Variants in KAZN observed in about 807,000 individuals in gnomAD.
The protein encoded by KAZN is kazrin.
Under a neutral mutation model 87.4 loss-of-function variants are expected in KAZN, and 40 were observed. That is an observed-to-expected ratio of 0.46 (90% CI 0.36 to 0.60). KAZN has a LOEUF of 0.60. KAZN is among the 20% of genes least tolerant of loss of function. The probability of loss-of-function intolerance (pLI) is 0.00; values close to 1 mark genes in which losing one functional copy is unlikely to be tolerated. For missense variants in KAZN, 898 were observed against 1,073.9 expected (o/e 0.84, Z 2.29); for synonymous variants, 466 against 458.3 (o/e 1.02, Z -0.22).
At chr1:14,507,850 C>A (rs1670670213) in intron 2 of KAZN, among the ~76,000 whole-genome samples, 1 of 151,798 alleles carries the variant, frequency 6.6e-6, no homozygotes, top group Admixed American at 6.6e-5. Flanking sequence ...GCCTGTAGTC[C>A]CAGCTACTCG....
chr1:14,482,875 G>A (rs569522582), intron 2 of KAZN, among the ~76,000 whole-genome samples: 6 of 152,244 alleles, frequency 3.9e-5, no homozygotes, highest in South Asian at 4.1e-4. Flanking sequence ...TCTGGCATCC[G>A]ACTGCCTGGA....
Position 14,288,908 on chromosome 1 carries a change from C to T in KAZN, c.249+108316C>T, listed in dbSNP as rs186578375. Among the ~76,000 whole-genome samples, 653 of 152,240 alleles carry T rather than the reference C, an allele frequency of 4.3e-3. 5 individuals carry two copies. The highest frequency in any genetic ancestry group is 8.6e-3 in the Admixed American group (131 of 15,300). On this transcript the variant is annotated intron_variant, in intron 2 of 16. Transcript: ENST00000636203. Reference sequence around the variant, plus strand: ...CTTTGTTCTCATTGGTTCCAAAGAACGTCTTTATTTCTGCCTTAATTTCGT... The same window carrying T: ...CTTTGTTCTCATTGGTTCCAAAGAATGTCTTTATTTCTGCCTTAATTTCGT...
intron 4 of KAZN, 134 bp downstream of exon 4, chr1:15,044,293 G>T (rs1673243435): frequency 4.4e-6 from 4 of 912,782 alleles, no homozygotes; most frequent in Non-Finnish European, 6.3e-6. Context: ...CAAGCAGGGG[G>T]CAGGGCCCGC....
intron 1 of KAZN, among the ~76,000 whole-genome samples, chr1:14,608,559 G>C (rs751049187): frequency 6.6e-5 from 10 of 152,216 alleles, no homozygotes; most frequent in Non-Finnish European, 1.5e-4. Context: ...TGTTTGGATA[G>C]ATTGGAATTG....
chr1:14,639,089 T>G (rs1217061370), intron 1 of KAZN, among the ~76,000 whole-genome samples: 2 of 152,196 alleles, frequency 1.3e-5, no homozygotes, highest in Non-Finnish European at 2.9e-5. Context: ...TTCATGTCTT[T>G]TCTTCCGTGC....
chr1:14,821,478 C>G (rs1646735818), intron 1 of KAZN, among the ~76,000 whole-genome samples: 1 of 151,058 alleles, frequency 6.6e-6, no homozygotes, highest in South Asian at 2.1e-4. Flanking sequence ...GATAGCTCCA[C>G]TGCACTCCAG....
intron 1 of KAZN, among the ~76,000 whole-genome samples, chr1:14,607,072 C>G (rs1185895376): frequency 1.3e-5 from 2 of 152,108 alleles, no homozygotes; most frequent in Non-Finnish European, 2.9e-5. Context: ...TCAGTAAATA[C>G]TTGCTGAATG....
intron 1 of KAZN, among the ~76,000 whole-genome samples, chr1:14,711,324 TAGAA>T (rs1302249599): frequency 2.0e-5 from 3 of 147,972 alleles, no homozygotes; most frequent in African/African-American, 7.6e-5. Context: ...CTGGGCAATA[TAGAA>T]AGACTCTGTT....
At chr1:13,945,914 C>T (rs146142285) in intron 1 of KAZN, among the ~76,000 whole-genome samples, 1 of 152,150 alleles carries the variant, frequency 6.6e-6, no homozygotes, top group African/African-American at 2.4e-5. Context: ...CTTCTCTGCC[C>T]AAGTCCCTAT....
At chr1:15,095,323 T>C (rs1640760252) in intron 10 of KAZN, among the ~76,000 whole-genome samples, 1 of 151,392 alleles carries the variant, frequency 6.6e-6, no homozygotes, top group Non-Finnish European at 1.5e-5. Context: ...GGAAAAACGG[T>C]GCAAGGCAGA....
At chr1:14,675,770 T>G (rs1325073775) in intron 1 of KAZN, among the ~76,000 whole-genome samples, 1 of 152,166 alleles carries the variant, frequency 6.6e-6, no homozygotes, top group African/African-American at 2.4e-5. Flanking sequence ...TCAATAATTG[T>G]TTGTTCATTG....
chr1:14,465,418 G>C (rs1229869214), intron 2 of KAZN, among the ~76,000 whole-genome samples: 1 of 69,788 alleles, frequency 1.4e-5, no homozygotes, highest in Admixed American at 1.3e-4. Flanking sequence ...AAAAAAAAAA[G>C]CTTCACCCAC....
At chr1:15,092,882 A>G (rs535679575) in intron 8 of KAZN, among the ~76,000 whole-genome samples, 5 of 151,392 alleles carry the variant, frequency 3.3e-5, no homozygotes, top group African/African-American at 9.7e-5. Context: ...GCAACGAACC[A>G]TATATAGAAG....
At chr1:14,698,770 A>G (rs940910577) in intron 1 of KAZN, among the ~76,000 whole-genome samples, 3 of 152,252 alleles carry the variant, frequency 2.0e-5, no homozygotes, top group Non-Finnish European at 2.9e-5. Flanking sequence ...GATTAAAAGC[A>G]TGGGTGGGAA....
intron 1 of KAZN, among the ~76,000 whole-genome samples, chr1:14,926,431 A>G (rs1381489146): frequency 1.8e-4 from 27 of 152,168 alleles, no homozygotes; most frequent in Admixed American, 1.8e-3. Context: ...TGCAGCCCTC[A>G]TGGTATGTCC....
At chr1:14,617,816 C>G (rs888984964) in intron 1 of KAZN, among the ~76,000 whole-genome samples, 13 of 152,162 alleles carry the variant, frequency 8.5e-5, no homozygotes, top group Admixed American at 7.9e-4. Flanking sequence ...ATAAAAATCC[C>G]AAAGCGCAAA....
intron 1 of KAZN, among the ~76,000 whole-genome samples, chr1:14,608,855 G>A (rs1412719623): frequency 2.6e-5 from 4 of 152,206 alleles, no homozygotes; most frequent in African/African-American, 9.7e-5. Context: ...TAAACATGGT[G>A]TATTTAAACC....
chr1:14,153,802 T>C (rs999882599), intron 1 of KAZN, among the ~76,000 whole-genome samples: 2 of 130,128 alleles, frequency 1.5e-5, no homozygotes, highest in African/African-American at 5.5e-5. Context: ...AAAAAAAAAA[T>C]GAGTTTGCTG....
At chr1:14,505,320 G>C (rs1207145824) in intron 2 of KAZN, among the ~76,000 whole-genome samples, 1 of 152,172 alleles carries the variant, frequency 6.6e-6, no homozygotes. Flanking sequence ...GTGGATGGAA[G>C]GAGGAAAGGG....
Sources: gnomAD v4.1 joint callset for allele counts (sites outside exome capture counted in the v4.1 genomes callset) on GRCh38, gnomAD v4.1.1 for gene constraint, MANE v1.5 for transcripts, NCBI Gene and HGNC (gene_info 2026-07-23, HGNC 2026-07-21) for gene names.